The following URGCP variants were observed in gnomAD, a reference collection of about 807,000 sequenced individuals.
The protein encoded by URGCP is upregulator of cell proliferation, also known as up-regulator of cell proliferation.
A neutral mutation model predicts 24.6 loss-of-function variants in URGCP; 13 were observed. That is an observed-to-expected ratio of 0.53 (90% CI 0.34 to 0.84). The LOEUF (loss-of-function observed/expected upper bound fraction) is 0.84, where lower values mean the gene tolerates loss of function less well. Among genes scored for constraint, URGCP ranks in the 40% least tolerant of loss-of-function variants. The pLI is 0.01. For missense variants in URGCP, 899 were observed against 1,194.3 expected (o/e 0.75, Z 3.64); for synonymous variants, 444 against 487.2 (o/e 0.91, Z 1.17).
rs1217639307 is a variant in URGCP at position 43,877,355 on chromosome 7, G to A, written c.2108C>T (p.Thr703Met). ...GGTGTTGAGGAGTGTGGACTTGCCC[G>A]TGCCTGGCACCCCGACGGTTGACAG... ...VVLSTVGVPGTGKSTLLNTMF... is the reference protein window; with the variant it reads ...VVLSTVGVPGMGKSTLLNTMF... Residue 703 changes from threonine (T) to methionine (M), a missense_variant, in exon 6 of 6, where the codon ACG (threonine) becomes ATG (methionine). Physicochemically the swap from Thr to Met is moderately conservative, Grantham distance 81. Transcript: ENST00000453200. The A allele has an allele frequency of 1.2e-6, 2 of 1,612,594 alleles. No individual in the cohort carries two copies. Among genetic ancestry groups the A allele is most frequent in the Non-Finnish European group, 1.7e-6 (2 of 1,180,006 alleles).
intron 2 of URGCP, 104 bp downstream of exon 2, chr7:43,887,686 T>C (rs1417140087): frequency 6.0e-6 from 9 of 1,508,112 alleles, no homozygotes; most frequent in East Asian, 2.5e-5. Context: ...GATTCTGATA[T>C]GCACCCACAG....
intron 1 of URGCP, chr7:43,918,733 G>T: frequency 2.6e-6 from 2 of 763,246 alleles, no homozygotes; most frequent in Non-Finnish European, 4.7e-6. Context: ...TTGGGCCAGT[G>T]CAGCAATCAG....
At chr7:43,897,257 T>G (rs984484351) in intron 1 of URGCP, among the ~76,000 whole-genome samples, 8 of 152,200 alleles carry the variant, frequency 5.3e-5, no homozygotes, top group African/African-American at 1.9e-4. Flanking sequence ...CTAGAAGATG[T>G]TAAGTGCTAC....
At position 43,906,585 on chromosome 7, in the gene URGCP, G is replaced by A. The variant is rs1243519774; in HGVS notation, c.-10C>T. ...ACCCGGGCGACGCCATGAGCGCAGCGAGGTCTCCGCTCCCGCCTCCTTCGC... is the reference window on the plus strand; with the variant it reads ...ACCCGGGCGACGCCATGAGCGCAGCAAGGTCTCCGCTCCCGCCTCCTTCGC... On this transcript the variant is annotated 5_prime_UTR_variant, in exon 1 of 6. Coordinates refer to ENST00000453200, the MANE Select transcript of URGCP (RefSeq NM_001077663.3). 22 of 1,236,602 alleles carry A rather than the reference G, an allele frequency of 1.8e-5. No homozygotes were observed. Among genetic ancestry groups the A allele is most frequent in the South Asian group, 7.7e-5 (3 of 38,812 alleles). 76.6% of individuals were successfully genotyped at this position (1,236,602 alleles called of 1,614,324 possible).
At position 43,877,144 on chromosome 7, in the gene URGCP, GGAA is replaced by G; in HGVS notation, c.2316_2318del (p.Ser773del). On this transcript the variant is annotated inframe_deletion, in exon 6 of 6. Transcript: ENST00000453200. ...TCAGTCCCATGAGCAGAGTGGCCAAGGAAGCCTCCAGCTCAAATCTGTCCCCAG... is the reference window on the plus strand; with the variant it reads ...TCAGTCCCATGAGCAGAGTGGCCAAGGCCTCCAGCTCAAATCTGTCCCCAG... 6.2e-7 allele frequency: 1 copy of G among 1,614,212 alleles called. No individual in the cohort carries two copies. Among genetic ancestry groups the G allele is most frequent in the Non-Finnish European group, 8.5e-7 (1 of 1,180,020 alleles).
intron 1 of URGCP, among the ~76,000 whole-genome samples, chr7:43,899,257 G>A (rs1163969982): frequency 1.4e-5 from 2 of 145,310 alleles, no homozygotes; most frequent in Non-Finnish European, 3.0e-5. Context: ...GTTTAAAGGA[G>A]TATTCTATCT....
Position 43,878,757 on chromosome 7 carries a change from C to T in URGCP, c.706G>A (p.Val236Met), listed in dbSNP as rs562773441. 4 of 1,613,992 alleles carry T rather than the reference C, an allele frequency of 2.5e-6. No homozygotes were observed. Among genetic ancestry groups the T allele is most frequent in the African/African-American group, 2.7e-5 (2 of 74,952 alleles). The change falls in exon 6 of 6, where the codon GTG becomes ATG. Residue 236 changes from valine to methionine, a missense_variant. By Grantham distance (21) the Val-to-Met change is conservative (BLOSUM62 1). Transcript: ENST00000453200. The surrounding 1 kb of genome is among the most constrained non-coding windows in gnomAD (Gnocchi z 5.6). Reference sequence around the variant, plus strand: ...GGGGGCTGGGACCACCATGTCCTCACAATGCCCCGCATGGCCCACAGCAGA... The same window carrying T: ...GGGGGCTGGGACCACCATGTCCTCATAATGCCCCGCATGGCCCACAGCAGA... Reference protein sequence around the residue: ...TFLLWAMRGIVRTWWSQPPRG... With the variant: ...TFLLWAMRGIMRTWWSQPPRG...
At position 43,877,749 on chromosome 7, in the gene URGCP, A is replaced by T; in HGVS notation, c.1714T>A (p.Trp572Arg). 1 of 1,605,750 alleles carries T rather than the reference A, an allele frequency of 6.2e-7. No homozygotes were observed. Among genetic ancestry groups the T allele is most frequent in the Non-Finnish European group, 8.5e-7 (1 of 1,176,216 alleles). ...EKQYFLRWME[W>R]GLARVAQPRL... ...GGCTGGGCCACCCGTGCCAGGCCCCACTCCATCCACCTCAGGAAGTACTGC... is the reference window on the plus strand; with the variant it reads ...GGCTGGGCCACCCGTGCCAGGCCCCTCTCCATCCACCTCAGGAAGTACTGC... The change falls in exon 6 of 6, where the codon TGG becomes AGG. Residue 572 changes from tryptophan (W) to arginine (R), a missense_variant. Transcript: ENST00000453200.
At chr7:43,904,543 G>C (rs1208692464) in intron 1 of URGCP, among the ~76,000 whole-genome samples, 1 of 152,174 alleles carries the variant, frequency 6.6e-6, no homozygotes, top group Non-Finnish European at 1.5e-5. Flanking sequence ...ATAGCCCTGA[G>C]GGTCTCAGAA....
At chr7:43,903,997 A>T (rs2095896462) in intron 1 of URGCP, among the ~76,000 whole-genome samples, 1 of 152,214 alleles carries the variant, frequency 6.6e-6, no homozygotes, top group South Asian at 2.1e-4. Flanking sequence ...TGAGCTGTTG[A>T]GTGAGGCCTG....
chr7:43,883,348 A>T (rs1234142036), intron 3 of URGCP, among the ~76,000 whole-genome samples: 5 of 95,824 alleles, frequency 5.2e-5, no homozygotes, highest in African/African-American at 3.2e-4. Flanking sequence ...ATATATATAT[A>T]TATATATATA....
At chr7:43,906,203 CGAG>C (rs1381965839) in intron 1 of URGCP, 1 of 152,094 alleles carries the variant, frequency 6.6e-6, no homozygotes, top group East Asian at 1.9e-4. Flanking sequence ...CGGGCCGCGG[CGAG>C]GACCCGCACC....
intron 1 of URGCP, among the ~76,000 whole-genome samples, chr7:43,921,546 T>A (rs895891823): frequency 2.0e-5 from 3 of 152,246 alleles, no homozygotes; most frequent in Admixed American, 6.5e-5. Flanking sequence ...GTTTGCTAAA[T>A]GTTTTACAGT....
intron 1 of URGCP, among the ~76,000 whole-genome samples, chr7:43,893,179 T>A (rs1055496642): frequency 6.6e-6 from 1 of 151,482 alleles, no homozygotes; most frequent in African/African-American, 2.4e-5. Context: ...ATAATAATAA[T>A]AAAAAAGCCA....
chr7:43,914,718 T>C (rs1359770662), intron 1 of URGCP, among the ~76,000 whole-genome samples: 1 of 152,228 alleles, frequency 6.6e-6, no homozygotes, highest in Non-Finnish European at 1.5e-5. Flanking sequence ...ACAGATTCTT[T>C]TCTCTGTTCA....
intron 1 of URGCP, among the ~76,000 whole-genome samples, chr7:43,917,542 C>T (rs1430093993): frequency 6.6e-6 from 1 of 152,178 alleles, no homozygotes; most frequent in Non-Finnish European, 1.5e-5. Context: ...AGCCCGGGTT[C>T]AATCCTGGCT....
chr7:43,900,481 A>AAAAAAAAAAAAAAAG (rs1554291222), intron 1 of URGCP, among the ~76,000 whole-genome samples: 1 of 147,704 alleles, frequency 6.8e-6, no homozygotes, highest in African/African-American at 2.5e-5. Context: ...AAAAAAAAAA[A>AAAAAAAAAAAAAAAG]AAAAAGAAAA....
rs2095864683 is a variant in URGCP at position 43,888,051 on chromosome 7, C to T, written c.15-235G>A. ...GAAAGTCAGGCTACAGAAAAGTATG[C>T]ACAGTATGATTACAATTTAATAAAA... On this transcript the variant is annotated intron_variant, in intron 1 of 5. Coordinates refer to ENST00000453200, the MANE Select transcript of URGCP (RefSeq NM_001077663.3). The T allele has an allele frequency of 7.9e-6, 4 of 508,956 alleles. No homozygotes were observed. The East Asian group carries it at 1.0e-4, about 13-fold the overall frequency. 31.5% of individuals were successfully genotyped at this position (508,956 alleles called of 1,614,324 possible).
At chr7:43,891,680 C>T (rs2095870910) in intron 1 of URGCP, among the ~76,000 whole-genome samples, 1 of 152,198 alleles carries the variant, frequency 6.6e-6, no homozygotes, top group South Asian at 2.1e-4. Context: ...TTCTTTCTGA[C>T]TTGCCCACTG....
Sources: gnomAD v4.1 joint callset for allele counts (sites outside exome capture counted in the v4.1 genomes callset) on GRCh38, gnomAD v4.1.1 for gene constraint, Gnocchi (gnomAD v3.1) non-coding constraint, MANE v1.5 for transcripts, NCBI Gene and HGNC (gene_info 2026-07-23, HGNC 2026-07-21) for gene names.